Variants in NADSYN1 observed in about 807,000 individuals in gnomAD.
NADSYN1 encodes the protein glutamine-dependent NAD(+) synthetase.
In NADSYN1, 80 loss-of-function variants were observed where a neutral mutation model predicts 99.3. The observed-to-expected ratio is 0.81, with a 90% confidence interval of 0.67 to 0.97. NADSYN1 has a LOEUF of 0.97. Among genes scored for constraint, NADSYN1 ranks in the 50% least tolerant of loss-of-function variants. The probability of loss-of-function intolerance (pLI) is 0.00; values close to 1 mark genes in which losing one functional copy is unlikely to be tolerated. For missense variants in NADSYN1, 859 were observed against 948.5 expected (o/e 0.91, Z 1.24); for synonymous variants, 385 against 372.1 (o/e 1.03, Z -0.40).
intron 18 of NADSYN1, chr11:71,496,866 T>A (rs1467077977): frequency 6.5e-6 from 1 of 152,808 alleles, no homozygotes; most frequent in Non-Finnish European, 1.5e-5. Flanking sequence ...TTTTATCCTT[T>A]TCTCTTTTCT....
At chr11:71,458,340 C>G (rs1391665300) in intron 2 of NADSYN1, 88 bp from the exon 3 acceptor site, 4 of 944,864 alleles carry the variant, frequency 4.2e-6, no homozygotes, top group Non-Finnish European at 6.8e-6. Flanking sequence ...GGCCCCCAGA[C>G]ACGTTCAGAC....
chr11:71,477,141 G>A (rs1442389124), intron 9 of NADSYN1: 33 of 1,134,932 alleles, frequency 2.9e-5, no homozygotes, highest in East Asian at 1.5e-4. Context: ...GATCACCCCC[G>A]TCGGGCCCGC....
Position 71,454,800 on chromosome 11 carries a change from T to TGA in NADSYN1, c.86-310_86-309insGA, listed in dbSNP as rs1367200619. On this transcript the variant is annotated intron_variant, in intron 1 of 20. Coordinates refer to ENST00000319023, the MANE Select transcript of NADSYN1 (RefSeq NM_018161.5). Reference sequence around the variant, plus strand: ...GACTTCTTCCTCTTCCTCCGCCTCCTCCATGGTGCTAAGGGTCAGACCTGC... The same window carrying TGA: ...GACTTCTTCCTCTTCCTCCGCCTCCTGACCATGGTGCTAAGGGTCAGACCTGC... Among the ~76,000 whole-genome samples the TGA allele has an allele frequency of 6.6e-5, 10 of 152,284 alleles. No homozygotes were observed. The East Asian group carries it at 1.9e-3, about 29-fold the overall frequency.
intron 18 of NADSYN1, among the ~76,000 whole-genome samples, chr11:71,492,829 C>T (rs1949792026): frequency 6.6e-6 from 1 of 151,958 alleles, no homozygotes; most frequent in East Asian, 1.9e-4. Flanking sequence ...ATCATAAGAA[C>T]TCTTCTGATC....
chr11:71,483,988 C>T (rs765718579), intron 14 of NADSYN1, among the ~76,000 whole-genome samples: 17 of 152,164 alleles, frequency 1.1e-4, no homozygotes, highest in Non-Finnish European at 1.6e-4. Flanking sequence ...CATTTCCACG[C>T]AATGTCCAGA....
chr11:71,483,043 A>T (rs745774230), intron 14 of NADSYN1, 26 bp downstream of exon 14: 1 of 1,610,742 alleles, frequency 6.2e-7, no homozygotes, highest in South Asian at 1.1e-5. Context: ...GGTATTGGGC[A>T]TGGCAGGTGG....
chr11:71,499,731 G>C (rs760676546), intron 20 of NADSYN1: 3 of 152,154 alleles, frequency 2.0e-5, no homozygotes, highest in Non-Finnish European at 4.4e-5. Flanking sequence ...GGAGAGAGCC[G>C]GCCAGTGAGT....
At chr11:71,483,279 G>T (rs1949721109) in intron 14 of NADSYN1, among the ~76,000 whole-genome samples, 1 of 152,124 alleles carries the variant, frequency 6.6e-6, no homozygotes, top group East Asian at 1.9e-4. Flanking sequence ...ACTTTCTCTT[G>T]GTTTGAGCCA....
rs974931787 is a variant in NADSYN1 at position 71,501,587 on chromosome 11, T to A, written c.*235T>A. ...ATTTTGACCTCCCGCCAGCGTGCGC[T>A]TCCCCGCGAAGTCTGGCATTCTCCG... On this transcript the variant is annotated 3_prime_UTR_variant, in exon 21 of 21. Coordinates refer to ENST00000319023, the MANE Select transcript of NADSYN1 (RefSeq NM_018161.5). 1 of 531,016 alleles carries A rather than the reference T, an allele frequency of 1.9e-6. No individual in the cohort carries two copies. Among genetic ancestry groups the A allele is most frequent in the Non-Finnish European group, 3.3e-6 (1 of 300,994 alleles). 32.9% of individuals were successfully genotyped at this position (531,016 alleles called of 1,614,324 possible).
At chr11:71,480,315 A>G (rs1949697602) in intron 10 of NADSYN1, 1 of 176,776 alleles carries the variant, frequency 5.7e-6, no homozygotes, top group Admixed American at 5.8e-5. Flanking sequence ...CTGGGATTAC[A>G]GGCTTCCACC....
chr11:71,473,131 C>T (rs1016456072), intron 6 of NADSYN1, 147 bp from the exon 7 acceptor site: 12 of 759,432 alleles, frequency 1.6e-5, no homozygotes, highest in African/African-American at 6.9e-5. Context: ...CATGCGCAGC[C>T]GCAGGGCACC....
intron 2 of NADSYN1, among the ~76,000 whole-genome samples, chr11:71,456,327 A>T (rs1180149169): frequency 6.6e-6 from 1 of 152,172 alleles, no homozygotes; most frequent in Non-Finnish European, 1.5e-5. Context: ...TCTTCATTTG[A>T]TTGATTCTTT....
chr11:71,500,326 G>A (rs796145057), intron 20 of NADSYN1, among the ~76,000 whole-genome samples: 10 of 152,336 alleles, frequency 6.6e-5, no homozygotes, highest in African/African-American at 2.4e-4. Context: ...CTCTGAGCAG[G>A]TGGCCTGTAA....
rs768134862 is a variant in NADSYN1 at position 71,490,926 on chromosome 11, G to C, written c.1644G>C (p.Arg548Ser). The C allele has an allele frequency of 1.2e-6, 2 of 1,614,202 alleles. No homozygotes were observed. The highest frequency in any genetic ancestry group is 1.7e-6 in the Non-Finnish European group (2 of 1,180,026). ...GCGGGATCAGCAAGACGGACCTCAG[G>C]GCCTTCGTCCAGTTCTGCATCCAGC... is the stretch of plus-strand genomic sequence containing the variant. Reference protein sequence around the residue: ...PIGGISKTDLRAFVQFCIQRF... With the variant: ...PIGGISKTDLSAFVQFCIQRF... Residue 548 changes from arginine (R) to serine (S), a missense_variant, in exon 17 of 21, where the codon AGG becomes AGC. Physicochemically the swap from Arg to Ser is moderately radical, Grantham distance 110. Coordinates refer to ENST00000319023, the MANE Select transcript of NADSYN1 (RefSeq NM_018161.5).
chr11:71,480,756 C>A lies in NADSYN1; in HGVS notation c.875C>A (p.Ala292Asp). 1 of 1,614,094 alleles carries A rather than the reference C, an allele frequency of 6.2e-7. No individual in the cohort carries two copies. The highest frequency in any genetic ancestry group is 8.5e-7 in the Non-Finnish European group (1 of 1,180,014). The change falls in exon 11 of 21, where the codon GCC (alanine) becomes GAC (aspartate). Residue 292 changes from alanine to aspartate, a missense_variant and splice_region_variant. Transcript: ENST00000319023. ...RAEISSRNLA[A>D]SRASPYPRVK... ...TCTGTCTTGAATCTCCATTGCCAGG[C>A]CAGCAGGGCGAGCCCCTACCCCAGA...
intron 9 of NADSYN1, chr11:71,477,135 AC>A (rs1197883349): frequency 5.3e-6 from 6 of 1,126,328 alleles, no homozygotes; most frequent in Non-Finnish European, 6.6e-6. Flanking sequence ...CCTGCCGATC[AC>A]CCCCGTCGGG....
Position 71,474,457 on chromosome 11 carries a change from C to T in NADSYN1, c.729C>T (p.Asp243=), listed in dbSNP as rs750327490. The T allele has an allele frequency of 2.6e-5, 42 of 1,614,068 alleles. No individual in the cohort carries two copies. The highest frequency in any genetic ancestry group is 4.5e-5 in the East Asian group (2 of 44,890). The part of the protein sequence containing the change: ...KGCDGDRLYY[D]GCAMIAMNGS... ...GTGACGGGGACCGCCTGTACTACGA[C>T]GGCTGTGCCATGATTGCCATGAACG... is the stretch of plus-strand genomic sequence containing the variant. Residue 243 remains aspartate (D), a synonymous_variant, in exon 9 of 21, where the codon GAC becomes GAT. Transcript: ENST00000319023.
At position 71,497,985 on chromosome 11, in the gene NADSYN1, C is replaced by T. The variant is rs371935644; in HGVS notation, c.1894-367C>T. On this transcript the variant is annotated intron_variant, in intron 19 of 20. Transcript: ENST00000319023. ...CTGGAAGCCTTGTGAAATAAATCTT[C>T]GCAGGATTTATCTTAGATCTCCCAA... is the stretch of plus-strand genomic sequence containing the variant. 5.9e-5 allele frequency among the ~76,000 whole-genome samples: 9 copies of T among 152,336 alleles called. No homozygotes were observed. In the South Asian group the frequency reaches 8.3e-4, roughly 14 times the overall value.
chr11:71,460,471 C>T (rs1324614780), intron 3 of NADSYN1, among the ~76,000 whole-genome samples: 1 of 152,232 alleles, frequency 6.6e-6, no homozygotes, highest in Non-Finnish European at 1.5e-5. Context: ...CCATCTCAGC[C>T]TCCTGAGTAC....
Sources: gnomAD v4.1 joint callset for allele counts (sites outside exome capture counted in the v4.1 genomes callset) on GRCh38, gnomAD v4.1.1 for gene constraint, MANE v1.5 for transcripts, NCBI Gene and HGNC (gene_info 2026-07-23, HGNC 2026-07-21) for gene names.